CMPK2: variants seen among roughly 807,000 people sequenced by gnomAD.
The protein encoded by CMPK2 is UMP-CMP kinase 2, mitochondrial.
CMPK2 carries 32 observed loss-of-function variants against 33.4 expected under a neutral mutation model. That is an observed-to-expected ratio of 0.96 (90% CI 0.72 to 1.29). The LOEUF (loss-of-function observed/expected upper bound fraction) is 1.29. Ranked by LOEUF, CMPK2 falls within the 50% of genes most tolerant of loss-of-function variation. The probability of loss-of-function intolerance (pLI) is 0.00; values close to 1 mark genes in which losing one functional copy is unlikely to be tolerated. For synonymous variants in CMPK2, 299 were observed against 275.3 expected, an observed-to-expected ratio of 1.09 and a Z score of -0.85; for missense variants, 672 against 616.0, an observed-to-expected ratio of 1.09 and a Z score of -0.96.
Position 6,848,345 on chromosome 2 carries a change from C to A in CMPK2, c.*1505G>T. 2.0e-6 allele frequency: 2 copies of A among 985,032 alleles called. No individual in the cohort carries two copies. Among genetic ancestry groups the A allele is most frequent in the Non-Finnish European group, 2.4e-6 (2 of 829,560 alleles). 61.0% of individuals were successfully genotyped at this position (985,032 alleles called of 1,614,324 possible). A position where few individuals can be genotyped will look rare whatever the true frequency, so the allele number is the denominator to read the frequency against. On this transcript the variant is annotated 3_prime_UTR_variant, in exon 5 of 5. Transcript: ENST00000256722. ...TTAGTAAACCACAGCAAAGTTTATT[C>A]ATGTGCCAGGGACATAAAGATACAT...
chr2:6,842,742 A>G (rs1662263200), intron 3 of CMPK2, among the ~76,000 whole-genome samples: 1 of 152,200 alleles, frequency 6.6e-6, no homozygotes, highest in African/African-American at 2.4e-5. Flanking sequence ...GGTGATATGA[A>G]GGGTGAACTA....
Position 6,863,592 on chromosome 2 carries a change from T to C in CMPK2, c.676-14A>G, listed in dbSNP as rs763557493. The C allele has an allele frequency of 2.1e-5, 33 of 1,600,526 alleles. No individual in the cohort carries two copies. Among genetic ancestry groups the C allele is most frequent in the Non-Finnish European group, 2.7e-5 (32 of 1,169,504 alleles). On this transcript the variant is annotated splice_polypyrimidine_tract_variant and intron_variant, in intron 1 of 4. Coordinates refer to ENST00000256722, the MANE Select transcript of CMPK2 (RefSeq NM_207315.4). ...AAAGGAGGTACACTGTAAAACAACG[T>C]CTATCCATCAGCAATGAAGCCAGGG...
upstream of CMPK2, chr2:6,865,929 C>T (rs371358590): frequency 1.0e-5 from 14 of 1,374,374 alleles, no homozygotes; most frequent in East Asian, 1.1e-4. Context: ...GGCCGGCGCT[C>T]GGGAGCAGAC....
intron 3 of CMPK2, among the ~76,000 whole-genome samples, chr2:6,852,157 G>A (rs1423794608): frequency 1.3e-5 from 2 of 152,184 alleles, no homozygotes; most frequent in African/African-American, 4.8e-5. Context: ...CCCTGAGGTA[G>A]AAGCCTCTTT....
upstream of CMPK2, chr2:6,866,552 C>G: frequency 1.2e-6 from 1 of 846,956 alleles, no homozygotes; most frequent in Non-Finnish European, 1.4e-6. Flanking sequence ...GTTTCCTGCA[C>G]TAAGGTGAAG....
chr2:6,854,014 TC>T (rs1399682069), intron 3 of CMPK2, among the ~76,000 whole-genome samples: 1 of 152,114 alleles, frequency 6.6e-6, no homozygotes, highest in Non-Finnish European at 1.5e-5. Flanking sequence ...CACTGCCAGC[TC>T]CTGTGAATTC....
intron 3 of CMPK2, among the ~76,000 whole-genome samples, chr2:6,860,576 T>C (rs1169028471): frequency 1.3e-5 from 2 of 152,214 alleles, no homozygotes; most frequent in African/African-American, 4.8e-5. Context: ...ATGTGAGACA[T>C]GCTTTGTACC....
chr2:6,851,245 G>A (rs372230217), intron 4 of CMPK2: 25 of 1,384,022 alleles, frequency 1.8e-5, no homozygotes, highest in African/African-American at 1.7e-4. Flanking sequence ...TCCCTAGTCC[G>A]ATGACCTTTG....
chr2:6,857,726 C>G (rs1416010574), intron 3 of CMPK2, among the ~76,000 whole-genome samples: 1 of 151,736 alleles, frequency 6.6e-6, no homozygotes, highest in Non-Finnish European at 1.5e-5. Flanking sequence ...GCTCCACCCC[C>G]TGGGGTTCAT....
At position 6,848,994 on chromosome 2, in the gene CMPK2, T is replaced by C; in HGVS notation, c.*856A>G. ...CCACTTTTAATTAATGAATCATAGC[T>C]CCTATGCTGAGGAAACATATTATGT... On this transcript the variant is annotated 3_prime_UTR_variant, in exon 5 of 5. Coordinates refer to ENST00000256722, the MANE Select transcript of CMPK2 (RefSeq NM_207315.4). 1 of 985,286 alleles carries C rather than the reference T, an allele frequency of 1.0e-6. No individual in the cohort carries two copies. The highest frequency in any genetic ancestry group is 1.2e-6 in the Non-Finnish European group (1 of 829,438). 61.0% of individuals were successfully genotyped at this position (985,286 alleles called of 1,614,324 possible).
downstream of CMPK2, among the ~76,000 whole-genome samples, chr2:6,846,083 G>A (rs780330595): frequency 3.2e-4 from 49 of 152,130 alleles, no homozygotes; most frequent in Non-Finnish European, 6.2e-4. Flanking sequence ...GGCTCCCCAG[G>A]GAGAAAAATT....
chr2:6,851,518 C>G lies in CMPK2; in HGVS notation c.1158G>C (p.Leu386=). ...TVSPEERLQR[L]QGRGMEKTRE... Reference sequence around the variant, plus strand: ...TGGTCTTCTCCATGCCCCGGCCCTGCAGCCTCTGCAACCTCTCCTCAGGAC... The same window carrying G: ...TGGTCTTCTCCATGCCCCGGCCCTGGAGCCTCTGCAACCTCTCCTCAGGAC... The change falls in exon 4 of 5, where the codon CTG becomes CTC. Residue 386 remains leucine (L), a synonymous_variant. Coordinates refer to ENST00000256722, the MANE Select transcript of CMPK2 (RefSeq NM_207315.4). 1 of 1,614,228 alleles carries G rather than the reference C, an allele frequency of 6.2e-7. No individual in the cohort carries two copies. Among genetic ancestry groups the G allele is most frequent in the Non-Finnish European group, 8.5e-7 (1 of 1,180,032 alleles).
chr2:6,862,557 C>T (rs1014923239), intron 2 of CMPK2, among the ~76,000 whole-genome samples: 4 of 152,184 alleles, frequency 2.6e-5, no homozygotes, highest in African/African-American at 9.6e-5. Flanking sequence ...ATCAACAAAA[C>T]ACATCAGCTG....
At chr2:6,856,254 TG>T (rs1662700672) in intron 3 of CMPK2, among the ~76,000 whole-genome samples, 1 of 152,188 alleles carries the variant, frequency 6.6e-6, no homozygotes, top group Non-Finnish European at 1.5e-5. Flanking sequence ...AAAACACATG[TG>T]GTATGAAAGA....
chr2:6,850,962 T>C (rs1572134347), intron 4 of CMPK2: 3 of 990,020 alleles, frequency 3.0e-6, no homozygotes, highest in East Asian at 1.1e-4. Context: ...TACTAGTGAA[T>C]AGTTATGTAC....
At chr2:6,850,859 C>A in intron 4 of CMPK2, 1 of 989,540 alleles carries the variant, frequency 1.0e-6, no homozygotes, top group Non-Finnish European at 1.2e-6. Flanking sequence ...AGGCAGGAGG[C>A]CTGGCCAGAC....
chr2:6,865,915 A>T, upstream of CMPK2: 2 of 1,403,986 alleles, frequency 1.4e-6, no homozygotes, highest in Non-Finnish European at 1.9e-6. Context: ...TGTGCGCGAT[A>T]AACGGCCGGC....
intron 3 of CMPK2, among the ~76,000 whole-genome samples, chr2:6,854,983 C>T (rs898841736): frequency 1.3e-5 from 2 of 151,928 alleles, no homozygotes; most frequent in Non-Finnish European, 2.9e-5. Flanking sequence ...AAGTCATACC[C>T]TACTAGGAAA....
At chr2:6,844,258 A>G (rs1662301461), downstream of CMPK2, among the ~76,000 whole-genome samples, 1 of 152,078 alleles carries the variant, frequency 6.6e-6, no homozygotes, top group East Asian at 1.9e-4. Context: ...CCTGGACTCT[A>G]TTGTAAAAGA....
Sources: gnomAD v4.1 joint callset for allele counts (sites outside exome capture counted in the v4.1 genomes callset) on GRCh38, gnomAD v4.1.1 for gene constraint, MANE v1.5 for transcripts, NCBI Gene and HGNC (gene_info 2026-07-23, HGNC 2026-07-21) for gene names.